Variants in VLDLR observed in about 807,000 individuals in gnomAD.
The protein encoded by VLDLR is very low density lipoprotein receptor, also known as very low-density lipoprotein receptor.
In VLDLR, 81 loss-of-function variants were observed where a neutral mutation model predicts 112.7. That is an observed-to-expected ratio of 0.72 (90% confidence interval 0.60 to 0.86). The LOEUF (loss-of-function observed/expected upper bound fraction) is 0.86. Ranked by LOEUF, VLDLR falls within the 40% of genes least tolerant of loss-of-function variation. The probability of loss-of-function intolerance (pLI) is 0.00; values close to 1 mark genes in which losing one functional copy is unlikely to be tolerated. For missense variants in VLDLR, 1,237 were observed against 1,099.4 expected (o/e 1.13, Z -1.77); for synonymous variants, 436 against 384.8 (o/e 1.13, Z -1.56).
intron 1 of VLDLR, among the ~76,000 whole-genome samples, chr9:2,633,598 T>G (rs1156816591): frequency 1.3e-5 from 2 of 152,158 alleles, no homozygotes; most frequent in African/African-American, 4.8e-5. Flanking sequence ...CTTAATAACC[T>G]TTGGTAACTA....
intron 1 of VLDLR, among the ~76,000 whole-genome samples, chr9:2,625,287 T>C (rs1255867772): frequency 6.6e-6 from 1 of 152,124 alleles, no homozygotes; most frequent in Non-Finnish European, 1.5e-5. Context: ...GACCATAAGA[T>C]CAAGGGAACA....
In VLDLR at chr9:2,650,445, A is replaced by C. The variant is rs1251847936; in HGVS notation, c.2180A>C (p.Asp727Ala). 6.2e-7 allele frequency: 1 copy of C among 1,614,160 alleles called. No individual in the cohort carries two copies. Among genetic ancestry groups the C allele is most frequent in the East Asian group, 2.2e-5 (1 of 44,876 alleles). The change falls in exon 15 of 19, where the codon GAT (aspartate) becomes GCT (alanine). Residue 727 changes from aspartate (D) to alanine (A), a missense_variant. Transcript: ENST00000382100. ...TGCCTGCCAGCACCACAGATTAATG[A>C]TCACTCTCCAAAATATACCTGTTCC... The part of the protein sequence containing the change: ...YLCLPAPQIN[D>A]HSPKYTCSCP...
chr9:2,651,619 T>G lies in VLDLR; in HGVS notation c.2335+121T>G, dbSNP rs145314511. The G allele has an allele frequency of 5.0e-6, 5 of 997,698 alleles. No individual in the cohort carries two copies. In the Admixed American group the frequency reaches 1.1e-4, roughly 21 times the overall value. The allele number at this position is 997,698 out of a possible 1,614,324, so 61.8% of individuals were successfully genotyped here. A position where few individuals can be genotyped will look rare whatever the true frequency, so the allele number is the denominator to read the frequency against. On this transcript the variant is annotated intron_variant, in intron 16 of 18. Coordinates refer to ENST00000382100, the MANE Select transcript of VLDLR (RefSeq NM_003383.5). ...TTCTGCCCCAATTGGTAACCTATAT[T>G]TAAACACCAAAGACTTAAAACTTGC... is the stretch of plus-strand genomic sequence containing the variant.
rs1563771216 is a variant in VLDLR, at chr9:2,654,813, CTG to C, written c.*947_*948del. 6.6e-6 allele frequency: 1 copy of C among 152,130 alleles called. No individual in the cohort carries two copies. 9.4% of individuals were successfully genotyped at this position (152,130 alleles called of 1,614,324 possible). A position where few individuals can be genotyped will look rare whatever the true frequency, so the allele number is the denominator to read the frequency against. On this transcript the variant is annotated 3_prime_UTR_variant, in exon 19 of 19. Transcript: ENST00000382100. ...ATTCTGCTTCTTTATAGTTAAGTCT[CTG>C]TTTTCCATGTTCTGTCATTTATATA... is the stretch of plus-strand genomic sequence containing the variant.
In VLDLR at chr9:2,646,422, A is replaced by C. The variant is rs759573914; in HGVS notation, c.1573A>C (p.Lys525Gln). The C allele has an allele frequency of 6.2e-7, 1 of 1,614,172 alleles. No individual in the cohort carries two copies. The highest frequency in any genetic ancestry group is 1.1e-5 in the South Asian group (1 of 91,080). Residue 525 changes from lysine (K) to glutamine (Q), a missense_variant, in exon 11 of 19, where the codon AAG (lysine) becomes CAG (glutamine). Lys to Gln is a moderately conservative substitution (Grantham distance 53). Transcript: ENST00000382100. ...PAAIAVDWVY[K>Q]TIYWTDAASK... ...AGCCATTGCTGTTGATTGGGTGTAC[A>C]AGACCATCTACTGGACTGATGCGGC...
intron 2 of VLDLR, among the ~76,000 whole-genome samples, chr9:2,639,631 G>C (rs1484582800): frequency 6.6e-6 from 1 of 152,168 alleles, no homozygotes; most frequent in African/African-American, 2.4e-5. Flanking sequence ...GGCAACCTCT[G>C]TCTGACCTTG....
At chr9:2,638,802 A>C (rs1817708276) in intron 2 of VLDLR, among the ~76,000 whole-genome samples, 1 of 152,232 alleles carries the variant, frequency 6.6e-6, no homozygotes, top group East Asian at 1.9e-4. Context: ...TCCTCTCCTT[A>C]GGCTATTTTA....
intron 1 of VLDLR, among the ~76,000 whole-genome samples, chr9:2,625,490 A>G (rs996185934): frequency 2.0e-5 from 3 of 152,222 alleles, no homozygotes; most frequent in African/African-American, 7.2e-5. Context: ...TAAAGTAATG[A>G]TTGCATTCAC....
chr9:2,645,829 C>G, intron 10 of VLDLR, 84 bp downstream of exon 10: 2 of 1,535,244 alleles, frequency 1.3e-6, no homozygotes, highest in South Asian at 1.1e-5. Context: ...GGAGGAGTTT[C>G]TTTTGTGTCT....
At position 2,621,808 on chromosome 9, in the gene VLDLR, C is replaced by G. The variant is rs764850761; in HGVS notation, c.-382C>G. 2.0e-6 allele frequency: 1 copy of G among 491,876 alleles called. No homozygotes were observed. The highest frequency in any genetic ancestry group is 1.6e-5 in the South Asian group (1 of 62,738). 30.5% of individuals were successfully genotyped at this position (491,876 alleles called of 1,614,324 possible). A position where few individuals can be genotyped will look rare whatever the true frequency, so the allele number is the denominator to read the frequency against. On this transcript the variant is annotated 5_prime_UTR_variant, in exon 1 of 19. Transcript: ENST00000382100. The stretch of plus-strand genomic sequence containing the variant: ...GCTCACCCCGCTCTCCGGCCGCCGC[C>G]GGTGCGGGTGCTCCGCTACCGGCTC...
intron 1 of VLDLR, among the ~76,000 whole-genome samples, chr9:2,629,197 C>T (rs1279059882): frequency 6.6e-6 from 1 of 152,224 alleles, no homozygotes; most frequent in Non-Finnish European, 1.5e-5. Flanking sequence ...GATTCTGATG[C>T]ACACGGGAGC....
chr9:2,659,828 A>T lies in VLDLR; in HGVS notation c.*5960A>T, dbSNP rs1212702105. On this transcript the variant is annotated 3_prime_UTR_variant, in exon 19 of 19. Coordinates refer to ENST00000382100, the MANE Select transcript of VLDLR (RefSeq NM_003383.5). ...GAAGAGAGTTTTTTTGAACAAAATG[A>T]CTGGCTTTGACAAAACTATCTTGCT... is the stretch of plus-strand genomic sequence containing the variant. The T allele has an allele frequency of 2.6e-5, 4 of 152,230 alleles. No individual in the cohort carries two copies. Among genetic ancestry groups the T allele is most frequent in the Admixed American group, 6.5e-5 (1 of 15,286 alleles). The allele number at this position is 152,230 out of a possible 1,614,324, so 9.4% of individuals were successfully genotyped here.
Position 2,644,080 on chromosome 9 carries a change from T to A in VLDLR, c.1066+121T>A. ...TTTTGAATGTACTGAAGTTCAATTGTAGACTTCAGAGTGAAACTTTATGAC... is the reference window on the plus strand; with the variant it reads ...TTTTGAATGTACTGAAGTTCAATTGAAGACTTCAGAGTGAAACTTTATGAC... On this transcript the variant is annotated intron_variant, in intron 7 of 18. Coordinates refer to ENST00000382100, the MANE Select transcript of VLDLR (RefSeq NM_003383.5). 6 of 1,449,138 alleles carry A rather than the reference T, an allele frequency of 4.1e-6. No homozygotes were observed. In the South Asian group the frequency reaches 4.7e-5, roughly 11 times the overall value. 89.8% of individuals were successfully genotyped at this position (1,449,138 alleles called of 1,614,324 possible). A position where few individuals can be genotyped will look rare whatever the true frequency, so the allele number is the denominator to read the frequency against.
At chr9:2,652,161 CA>C (rs1586660929) in intron 17 of VLDLR, among the ~76,000 whole-genome samples, 1 of 152,338 alleles carries the variant, frequency 6.6e-6, no homozygotes. Context: ...CAGTAACTGG[CA>C]ATGATAAGTG....
rs1424494239 is a variant in VLDLR at position 2,621,846 on chromosome 9, T to C, written c.-344T>C. 1 of 526,438 alleles carries C rather than the reference T, an allele frequency of 1.9e-6. No individual in the cohort carries two copies. The highest frequency in any genetic ancestry group is 2.3e-5 in the Admixed American group (1 of 43,970). 32.6% of individuals were successfully genotyped at this position (526,438 alleles called of 1,614,324 possible). On this transcript the variant is annotated 5_prime_UTR_variant, in exon 1 of 19. Transcript: ENST00000382100. ...CCGCTACCGGCTCCTCTCCGTTCTG[T>C]GCTCTCTTCTGCTCTCGGCTCCCCA...
At chr9:2,628,541 A>T (rs1236338739) in intron 1 of VLDLR, among the ~76,000 whole-genome samples, 1 of 152,190 alleles carries the variant, frequency 6.6e-6, no homozygotes, top group Non-Finnish European at 1.5e-5. Flanking sequence ...AAATGACCCC[A>T]TTCTTGGCTA....
At position 2,652,896 on chromosome 9, in the gene VLDLR, C is replaced by G; in HGVS notation, c.2533C>G (p.Leu845Val). ...PVYLKTTEED[L>V]SIDIGRHSAS... ...GTACTTGAAAACCACTGAAGAGGAC[C>G]TCTCCATAGACATTGGTAGACACAG... Residue 845 changes from leucine to valine, a missense_variant, in exon 18 of 19, where the codon CTC becomes GTC. Leu to Val is a conservative substitution (Grantham distance 32). Coordinates refer to ENST00000382100, the MANE Select transcript of VLDLR (RefSeq NM_003383.5). 6.2e-7 allele frequency: 1 copy of G among 1,614,064 alleles called. No individual in the cohort carries two copies. The highest frequency in any genetic ancestry group is 8.5e-7 in the Non-Finnish European group (1 of 1,179,970).
rs775355537 is a variant in VLDLR at position 2,646,299 on chromosome 9, A to G, written c.1485-35A>G. 118 of 1,608,126 alleles carry G rather than the reference A, an allele frequency of 7.3e-5. 1 individual carries two copies. Among genetic ancestry groups the G allele is most frequent in the South Asian group, 5.4e-4 (49 of 90,928 alleles). ...CATTCTCCAAGCTCTAATTGTGTCA[A>G]ACTCTTAAATTTCTTGTGACCTATT... On this transcript the variant is annotated intron_variant, in intron 10 of 18. Transcript: ENST00000382100.
chr9:2,647,418 T>C (rs2130799717), intron 11 of VLDLR, 56 bp from the exon 12 acceptor site: 2 of 1,515,958 alleles, frequency 1.3e-6, no homozygotes, highest in East Asian at 4.5e-5. Context: ...TTCCAGCTAC[T>C]ACAACTTTAT....
Sources: allele counts gnomAD v4.1 joint callset (sites outside exome capture counted in the v4.1 genomes callset), GRCh38; gene constraint gnomAD v4.1.1; transcripts MANE v1.5; gene names NCBI Gene and HGNC (gene_info 2026-07-23, HGNC 2026-07-21).